The following INO80 variants were observed in gnomAD, a reference collection of about 807,000 sequenced individuals.
INO80 encodes chromatin-remodeling ATPase INO80.
A neutral mutation model predicts 203.4 loss-of-function variants in INO80; 20 were observed. That is an observed-to-expected ratio of 0.10 (90% confidence interval 0.07 to 0.14). The LOEUF is 0.14. Among genes scored for constraint, INO80 ranks in the 10% least tolerant of loss-of-function variants. The pLI is 1.00. For missense variants in INO80, 1,419 were observed against 1,914.4 expected, an observed-to-expected ratio of 0.74 and a Z score of 4.83; for synonymous variants, 726 against 685.2, an observed-to-expected ratio of 1.06 and a Z score of -0.93.
intron 14 of INO80, 46 bp downstream of exon 14, chr15:41,069,524 G>C: frequency 2.5e-6 from 3 of 1,189,466 alleles, no homozygotes; most frequent in Non-Finnish European, 3.6e-6. Context: ...GAGTCAAAAA[G>C]TTTATTTTAA....
chr15:41,000,411 T>A (rs1321063162), intron 28 of INO80, among the ~76,000 whole-genome samples: 3 of 151,848 alleles, frequency 2.0e-5, no homozygotes, highest in African/African-American at 7.3e-5. Flanking sequence ...ATAAGAAATT[T>A]CTGGCCAGGT....
intron 26 of INO80, chr15:41,017,890 T>C (rs576154543): frequency 3.9e-5 from 6 of 152,354 alleles, no homozygotes; most frequent in African/African-American, 9.6e-5. Flanking sequence ...TGGGACAGAA[T>C]TGACTGCTAA....
chr15:41,032,911 G>A (rs918484787), intron 24 of INO80, among the ~76,000 whole-genome samples: 3 of 152,032 alleles, frequency 2.0e-5, no homozygotes, highest in Non-Finnish European at 2.9e-5. Context: ...GGTGGCATGC[G>A]CCTATAGTCC....
chr15:41,070,580 T>G, intron 12 of INO80, 33 bp from the exon 13 acceptor site: 1 of 1,528,662 alleles, frequency 6.5e-7, no homozygotes. Flanking sequence ...CAACACCTCA[T>G]GCATTTCATC....
At chr15:41,050,175 A>G in intron 19 of INO80, 73 bp from the exon 20 acceptor site, 1 of 926,594 alleles carries the variant, frequency 1.1e-6, no homozygotes, top group Middle Eastern at 3.3e-4. Context: ...TTAAAGTTGA[A>G]AACACACACA....
rs1349097156 is a variant in INO80, at chr15:41,087,650, C to T, written c.570G>A (p.Leu190=). The change falls in exon 6 of 36, where the codon CTG becomes CTA. Residue 190 remains leucine (L), a synonymous_variant. Coordinates refer to ENST00000648947, the MANE Select transcript of INO80 (RefSeq NM_017553.3). ...CATAGAAAGGGTCATATGTGGAGAG[C>T]AGGCCTGCACTGTAGTACTGATATT... The part of the protein sequence containing the change: ...LQQYQYYSAG[L]LSTYDPFYEQ... The T allele has an allele frequency of 6.2e-7, 1 of 1,613,678 alleles. No individual in the cohort carries two copies. The highest frequency in any genetic ancestry group is 1.3e-5 in the African/African-American group (1 of 74,876).
chr15:41,097,899 G>C (rs1305660208), intron 1 of INO80, among the ~76,000 whole-genome samples: 1 of 152,086 alleles, frequency 6.6e-6, no homozygotes, highest in East Asian at 1.9e-4. Flanking sequence ...GTTGCAGTGA[G>C]CCGAGACTGT....
At chr15:41,057,557 G>A (rs748352790) in intron 16 of INO80, among the ~76,000 whole-genome samples, 1 of 151,924 alleles carries the variant, frequency 6.6e-6, no homozygotes, top group Non-Finnish European at 1.5e-5. Context: ...AGCACTTTGG[G>A]AGGCAGAGGC....
At chr15:41,101,352 C>G (rs1008024812) in intron 1 of INO80, among the ~76,000 whole-genome samples, 23 of 152,126 alleles carry the variant, frequency 1.5e-4, no homozygotes, top group African/African-American at 5.1e-4. Flanking sequence ...CACCTTCTAC[C>G]AATTGTTTCT....
intron 26 of INO80, among the ~76,000 whole-genome samples, chr15:41,019,150 C>T (rs1000224240): frequency 4.6e-5 from 7 of 152,234 alleles, no homozygotes; most frequent in Middle Eastern, 3.4e-3. Context: ...AGGGATTGTA[C>T]ATCTTTCTGG....
At chr15:41,051,304 C>A (rs2044866664) in intron 19 of INO80, among the ~76,000 whole-genome samples, 1 of 151,660 alleles carries the variant, frequency 6.6e-6, no homozygotes, top group South Asian at 2.1e-4. Context: ...TTGCCTAGCC[C>A]CCCATTCCCA....
intron 17 of INO80, among the ~76,000 whole-genome samples, chr15:41,055,639 G>A (rs1044744899): frequency 6.6e-6 from 1 of 152,136 alleles, no homozygotes; most frequent in Non-Finnish European, 1.5e-5. Context: ...ATTTTGCAAT[G>A]GGATAGTTTT....
intron 25 of INO80, among the ~76,000 whole-genome samples, chr15:41,022,841 C>T (rs896330974): frequency 6.6e-6 from 1 of 152,202 alleles, no homozygotes; most frequent in Non-Finnish European, 1.5e-5. Flanking sequence ...GTGGCTCACA[C>T]CTGTAATCCC....
At chr15:41,063,549 G>A (rs111603908) in intron 14 of INO80, among the ~76,000 whole-genome samples, 4,326 of 151,382 alleles carry the variant, frequency 0.029, 201 homozygotes, top group African/African-American at 0.099. Flanking sequence ...TGAGGCAGGC[G>A]GATCACTTGA....
At chr15:41,094,940 CTATGTG>C (rs1321365349) in intron 4 of INO80, among the ~76,000 whole-genome samples, 1 of 151,442 alleles carries the variant, frequency 6.6e-6, no homozygotes, top group Non-Finnish European at 1.5e-5. Context: ...TACCTTCAGA[CTATGTG>C]TATAAGGTGT....
intron 29 of INO80, among the ~76,000 whole-genome samples, chr15:40,988,247 T>G (rs914017090): frequency 6.6e-6 from 1 of 152,202 alleles, no homozygotes; most frequent in Non-Finnish European, 1.5e-5. Context: ...TTTAGTACAT[T>G]AATAACATTA....
At chr15:41,005,343 T>C (rs551703772) in intron 28 of INO80, 7 of 363,206 alleles carry the variant, frequency 1.9e-5, no homozygotes, top group South Asian at 8.2e-5. Context: ...TCCAAAGAAA[T>C]AGGCACTGGT....
At chr15:41,105,692 C>CTT (rs1034628953) in intron 1 of INO80, among the ~76,000 whole-genome samples, 10 of 152,270 alleles carry the variant, frequency 6.6e-5, no homozygotes, top group African/African-American at 1.9e-4. Flanking sequence ...CAATATAAAA[C>CTT]TTTATTTTAT....
In INO80 at chr15:41,003,329, C is replaced by CTTTTTTTTTTTTTTTTT. The variant is rs771356698; in HGVS notation, c.3497+2263_3497+2264insAAAAAAAAAAAAAAAAA. Among the ~76,000 whole-genome samples, 7 of 107,576 alleles carry CTTTTTTTTTTTTTTTTT rather than the reference C, an allele frequency of 6.5e-5. 3 individuals are homozygous for CTTTTTTTTTTTTTTTTT. The highest frequency in any genetic ancestry group is 9.4e-5 in the Non-Finnish European group (5 of 53,386). The allele number at this position is 107,576 out of a possible 152,430, so 70.6% of individuals were successfully genotyped here. A position where few individuals can be genotyped will look rare whatever the true frequency, so the allele number is the denominator to read the frequency against. ...TGGGATTGTGGGTGATTTTTCTTTT[C>CTTTTTTTTTTTTTTTTT]TTTTCTTTTTTTTTTTTTTGAGATG... On this transcript the variant is annotated intron_variant, in intron 28 of 35. Transcript: ENST00000648947.
Sources: allele counts gnomAD v4.1 joint callset (sites outside exome capture counted in the v4.1 genomes callset), GRCh38; gene constraint gnomAD v4.1.1; transcripts MANE v1.5; gene names NCBI Gene and HGNC (gene_info 2026-07-23, HGNC 2026-07-21).